Variants in PNPT1 observed in about 807,000 individuals in gnomAD.
PNPT1 encodes polyribonucleotide nucleotidyltransferase 1, also known as polyribonucleotide nucleotidyltransferase 1, mitochondrial.
A neutral mutation model predicts 119.5 loss-of-function variants in PNPT1; 53 were observed. The ratio of observed to expected loss-of-function variants is 0.44; its 90% confidence interval spans 0.36 to 0.56. The LOEUF (loss-of-function observed/expected upper bound fraction) is 0.56, where lower values mean the gene tolerates loss of function less well. PNPT1 is among the 20% of genes least tolerant of loss of function. The pLI is 0.00. For missense variants in PNPT1, 948 were observed against 938.5 expected, an observed-to-expected ratio of 1.01 and a Z score of -0.13; for synonymous variants, 357 against 322.1, an observed-to-expected ratio of 1.11 and a Z score of -1.16.
At chr2:55,663,677 A>T (rs1439334652) in intron 13 of PNPT1, among the ~76,000 whole-genome samples, 4 of 152,122 alleles carry the variant, frequency 2.6e-5, no homozygotes, top group Non-Finnish European at 4.4e-5. Flanking sequence ...AAAAACATGG[A>T]GAACAAAAAA....
intron 18 of PNPT1, among the ~76,000 whole-genome samples, chr2:55,654,231 T>C (rs1250542959): frequency 7.2e-6 from 1 of 138,812 alleles, no homozygotes; most frequent in African/African-American, 2.7e-5. Context: ...CACTTCAGCC[T>C]GGACAACAGA....
At chr2:55,642,434 G>A (rs921841566) in intron 25 of PNPT1, among the ~76,000 whole-genome samples, 7 of 151,296 alleles carry the variant, frequency 4.6e-5, no homozygotes, top group African/African-American at 7.3e-5. Context: ...GTAAAACCCC[G>A]TCTCTACTAA....
chr2:55,644,546 A>G, intron 23 of PNPT1, 91 bp downstream of exon 23: 1 of 845,334 alleles, frequency 1.2e-6, no homozygotes, highest in South Asian at 2.2e-5. Flanking sequence ...TCAAATAAAT[A>G]TATATTTAAA....
At chr2:55,645,002 A>C in intron 22 of PNPT1, 1 of 314,550 alleles carries the variant, frequency 3.2e-6, no homozygotes, top group Non-Finnish European at 5.7e-6. Flanking sequence ...ATTAATGTTT[A>C]TCTTACCATG....
At chr2:55,659,521 CTT>C (rs371090953) in intron 15 of PNPT1, among the ~76,000 whole-genome samples, 21,377 of 145,708 alleles carry the variant, frequency 0.15, 3,069 homozygotes, top group African/African-American at 0.38. Flanking sequence ...ACAGGCATGA[CTT>C]TTTTTTTTTT....
intron 26 of PNPT1, among the ~76,000 whole-genome samples, chr2:55,637,824 C>T (rs1695721508): frequency 6.6e-6 from 1 of 151,870 alleles, no homozygotes; most frequent in Non-Finnish European, 1.5e-5. Flanking sequence ...GAGAGTGAAA[C>T]CCCATCTCTG....
chr2:55,676,125 T>C (rs748989037), intron 8 of PNPT1, among the ~76,000 whole-genome samples: 30 of 151,728 alleles, frequency 2.0e-4, no homozygotes, highest in Admixed American at 7.9e-4. Context: ...CCAGGTGTGG[T>C]GGTGCACGCC....
chr2:55,657,089 G>C (rs1311888962), intron 15 of PNPT1, among the ~76,000 whole-genome samples: 1 of 152,164 alleles, frequency 6.6e-6, no homozygotes, highest in Non-Finnish European at 1.5e-5. Flanking sequence ...AGCACTTTGG[G>C]AGGCCAAGGC....
rs1695608413 is a variant in PNPT1 at position 55,634,586 on chromosome 2, ACT to A, written c.*1649_*1650del. 8.9e-6 allele frequency: 1 copy of A among 112,514 alleles called. No homozygotes were observed. Among genetic ancestry groups the A allele is most frequent in the South Asian group, 2.7e-4 (1 of 3,736 alleles). The allele number at this position is 112,514 out of a possible 1,614,324, so 7.0% of individuals were successfully genotyped here. ...ATTTTTTTTTTTGAGATGGAGTTTTACTCTTTTTGCCCAGGCTGGAGTGCAGT... is the reference window on the plus strand; with the variant it reads ...ATTTTTTTTTTTGAGATGGAGTTTTACTTTTTGCCCAGGCTGGAGTGCAGT... On this transcript the variant is annotated 3_prime_UTR_variant, in exon 28 of 28. Coordinates refer to ENST00000447944, the MANE Select transcript of PNPT1 (RefSeq NM_033109.5).
At chr2:55,667,779 C>A in intron 12 of PNPT1, 83 bp downstream of exon 12, 4 of 1,481,160 alleles carry the variant, frequency 2.7e-6, no homozygotes, top group Non-Finnish European at 2.7e-6. Context: ...AAAAAACAAA[C>A]TTTCTTTGAT....
rs200865090 is a variant in PNPT1, at chr2:55,688,766, C to CA, written c.162-1062dup. 5.3e-5 allele frequency among the ~76,000 whole-genome samples: 8 copies of CA among 151,170 alleles called. 1 individual carries two copies. Among genetic ancestry groups the CA allele is most frequent in the African/African-American group, 1.9e-4 (8 of 41,104 alleles). ...AAAACAACAACAACAACAACAACAA[C>CA]AAAAAACTTTAGAATTTCTCCCAAT... On this transcript the variant is annotated intron_variant, in intron 1 of 27. Transcript: ENST00000447944.
chr2:55,672,157 ATACT>A (rs1237517241), intron 9 of PNPT1, 111 bp from the exon 10 acceptor site: 10 of 767,192 alleles, frequency 1.3e-5, no homozygotes, highest in Middle Eastern at 3.7e-4. Flanking sequence ...ACTTTAATAA[ATACT>A]TCAGAAAGAA....
chr2:55,669,660 T>C (rs1337354600), intron 11 of PNPT1, among the ~76,000 whole-genome samples: 4 of 152,142 alleles, frequency 2.6e-5, no homozygotes, highest in Non-Finnish European at 5.9e-5. Flanking sequence ...ATATTCGCTA[T>C]AAAATTTCTT....
chr2:55,640,604 A>T (rs749640646), intron 26 of PNPT1, 23 bp downstream of exon 26: 80 of 1,533,306 alleles, frequency 5.2e-5, no homozygotes, highest in Admixed American at 1.4e-4. Flanking sequence ...TAAAAATAAT[A>T]ACAATAACAT....
At chr2:55,663,432 A>G (rs1696642193) in intron 13 of PNPT1, among the ~76,000 whole-genome samples, 1 of 152,176 alleles carries the variant, frequency 6.6e-6, no homozygotes, top group African/African-American at 2.4e-5. Flanking sequence ...AAGAAGAGAG[A>G]GAATGAGGCA....
intron 8 of PNPT1, 92 bp from the exon 9 acceptor site, chr2:55,673,171 T>G: frequency 9.7e-7 from 1 of 1,028,502 alleles, no homozygotes; most frequent in Non-Finnish European, 1.4e-6. Flanking sequence ...ATAAATATTA[T>G]GGATCAATTT....
intron 26 of PNPT1, among the ~76,000 whole-genome samples, chr2:55,638,897 C>T (rs1187929032): frequency 1.3e-5 from 2 of 151,968 alleles, no homozygotes; most frequent in Non-Finnish European, 2.9e-5. Context: ...GCCTCAGCCT[C>T]CAGAGTAGCT....
Position 55,656,282 on chromosome 2 carries a change from T to G in PNPT1, c.1351+23A>C, listed in dbSNP as rs769281430. On this transcript the variant is annotated intron_variant, in intron 16 of 27. Transcript: ENST00000447944. ...TTAAGTCTCTGTAAGAATACCGTAT[T>G]AAGTTTACAGACCTGTACTTACCAT... is the stretch of plus-strand genomic sequence containing the variant. 3.7e-6 allele frequency: 6 copies of G among 1,611,770 alleles called. No individual in the cohort carries two copies. In the South Asian group the frequency reaches 6.6e-5, roughly 18 times the overall value.
At chr2:55,678,610 G>T (rs77402421) in intron 8 of PNPT1, among the ~76,000 whole-genome samples, 3,924 of 152,212 alleles carry the variant, frequency 0.026, 68 homozygotes, top group Non-Finnish European at 0.038. Context: ...ATGAAGACGA[G>T]GCCACATCTT....
Sources: allele counts gnomAD v4.1 joint callset (sites outside exome capture counted in the v4.1 genomes callset), GRCh38; gene constraint gnomAD v4.1.1; transcripts MANE v1.5; gene names NCBI Gene and HGNC (gene_info 2026-07-23, HGNC 2026-07-21).